FAXC: variants seen among roughly 807,000 people sequenced by gnomAD.
FAXC encodes failed axon connections homolog.
In FAXC, 10 loss-of-function variants were observed where a neutral mutation model predicts 41.9. That is an observed-to-expected ratio of 0.24 (90% CI 0.15 to 0.41). The LOEUF (loss-of-function observed/expected upper bound fraction) is 0.41. Among genes scored for constraint, FAXC ranks in the 10% least tolerant of loss-of-function variants. The probability of loss-of-function intolerance (pLI) is 1.00; values close to 1 mark genes in which losing one functional copy is unlikely to be tolerated. For synonymous variants in FAXC, 183 were observed against 183.8 expected (o/e 1.00, Z 0.03); for missense variants, 399 against 510.9 (o/e 0.78, Z 2.11).
chr6:99,300,063 C>T (rs912712390), intron 4 of FAXC, among the ~76,000 whole-genome samples: 2 of 151,962 alleles, frequency 1.3e-5, no homozygotes, highest in African/African-American at 2.4e-5. Context: ...TATCTCTTTC[C>T]GGCTCATATG....
rs191869581 is a variant in FAXC, at chr6:99,307,400, G to A, written c.824-15580C>T. Among the ~76,000 whole-genome samples the A allele has an allele frequency of 2.1e-4, 32 of 152,270 alleles. 1 individual carries two copies. In the East Asian group the frequency reaches 3.1e-3, roughly 15 times the overall value. On this transcript the variant is annotated intron_variant, in intron 4 of 5. Transcript: ENST00000389677. ...GCCCGAATGGAGAGAACAATGAGCC[G>A]ATGGGGCTGACTCCCAGACGGATGA...
chr6:99,305,494 C>G (rs1414688629), intron 4 of FAXC, among the ~76,000 whole-genome samples: 1 of 152,010 alleles, frequency 6.6e-6, no homozygotes, highest in Non-Finnish European at 1.5e-5. Context: ...CTACAATGTA[C>G]CTCAGTTTCC....
chr6:99,299,757 C>T (rs221578), intron 4 of FAXC, among the ~76,000 whole-genome samples: 121,127 of 152,030 alleles, frequency 0.8, 48,532 homozygotes, highest in East Asian at 1. Flanking sequence ...AAAATCTACT[C>T]CCTATTCTCT....
intron 1 of FAXC, among the ~76,000 whole-genome samples, chr6:99,348,141 T>TC (rs1359657939): frequency 6.6e-6 from 1 of 152,178 alleles, no homozygotes; most frequent in Non-Finnish European, 1.5e-5. Flanking sequence ...GTAGGATTCC[T>TC]CCACTGGAAT....
chr6:99,306,217 G>A (rs1183407411), intron 4 of FAXC, among the ~76,000 whole-genome samples: 2 of 152,188 alleles, frequency 1.3e-5, no homozygotes, highest in Non-Finnish European at 2.9e-5. Flanking sequence ...TGGAGTGTCT[G>A]TGAGGCAGAG....
At chr6:99,312,311 A>G (rs1401763364) in intron 4 of FAXC, among the ~76,000 whole-genome samples, 1 of 152,216 alleles carries the variant, frequency 6.6e-6, no homozygotes, top group Non-Finnish European at 1.5e-5. Context: ...ACTCTGGGAG[A>G]CAGGTCCAGC....
At chr6:99,346,127 T>C (rs1582695271) in intron 1 of FAXC, among the ~76,000 whole-genome samples, 1 of 152,240 alleles carries the variant, frequency 6.6e-6, no homozygotes, top group African/African-American at 2.4e-5. Context: ...CTATCTTACA[T>C]ATTTCAGATT....
intron 4 of FAXC, among the ~76,000 whole-genome samples, chr6:99,303,895 T>C (rs915358911): frequency 1.3e-5 from 2 of 152,252 alleles, no homozygotes; most frequent in Non-Finnish European, 2.9e-5. Context: ...ATAGGAGATA[T>C]GTTAAAGTAG....
At chr6:99,284,862 C>T (rs1482893800) in intron 5 of FAXC, among the ~76,000 whole-genome samples, 2 of 150,706 alleles carry the variant, frequency 1.3e-5, no homozygotes, top group Non-Finnish European at 2.9e-5. Flanking sequence ...TGCAGTGAGC[C>T]GAGATCCTGC....
intron 1 of FAXC, among the ~76,000 whole-genome samples, chr6:99,344,519 T>A (rs1773528896): frequency 6.6e-6 from 1 of 151,946 alleles, no homozygotes; most frequent in African/African-American, 2.4e-5. Flanking sequence ...CAAACTCTCT[T>A]GAAAAGTTTA....
At chr6:99,328,714 C>T (rs11753575) in intron 3 of FAXC, among the ~76,000 whole-genome samples, 54,857 of 152,020 alleles carry the variant, frequency 0.36, 10,667 homozygotes, top group Middle Eastern at 0.46. Context: ...GCAAAGCCTT[C>T]CCCCCTTCTC....
rs1277258653 is a variant in FAXC, at chr6:99,273,615, C to T, written c.*7549G>A. 1 of 151,068 alleles carries T rather than the reference C, an allele frequency of 6.6e-6. No homozygotes were observed. The highest frequency in any genetic ancestry group is 2.4e-5 in the African/African-American group (1 of 41,000). 9.4% of individuals were successfully genotyped at this position (151,068 alleles called of 1,614,324 possible). A position where few individuals can be genotyped will look rare whatever the true frequency, so the allele number is the denominator to read the frequency against. ...AATTGTTCATCCTTCTCTTTCCCAA[C>T]CAAAAATGCCTATTTTAAGTAAAAA... is the stretch of plus-strand genomic sequence containing the variant. On this transcript the variant is annotated 3_prime_UTR_variant, in exon 6 of 6. Transcript: ENST00000389677.
chr6:99,329,110 A>G (rs6922449), intron 3 of FAXC, among the ~76,000 whole-genome samples: 64,932 of 152,036 alleles, frequency 0.43, 14,396 homozygotes, highest in East Asian at 0.59. Flanking sequence ...TCATTAACTG[A>G]AGAGGACAGA....
chr6:99,320,408 G>A (rs1218354597), intron 4 of FAXC, among the ~76,000 whole-genome samples: 1 of 152,066 alleles, frequency 6.6e-6, no homozygotes, highest in Non-Finnish European at 1.5e-5. Flanking sequence ...TTGTTTAACT[G>A]TTTTATGTAG....
intron 3 of FAXC, among the ~76,000 whole-genome samples, chr6:99,331,210 T>C (rs1188266629): frequency 1.3e-5 from 2 of 152,274 alleles, no homozygotes; most frequent in Non-Finnish European, 1.5e-5. Context: ...CAAGAAATAA[T>C]AGCTAACCCC....
chr6:99,279,693 A>C lies in FAXC; in HGVS notation c.*1471T>G, dbSNP rs770553939. The C allele has an allele frequency of 6.7e-6, 1 of 150,286 alleles. No homozygotes were observed. Among genetic ancestry groups the C allele is most frequent in the Non-Finnish European group, 1.5e-5 (1 of 68,052 alleles). The allele number at this position is 150,286 out of a possible 1,614,324, so 9.3% of individuals were successfully genotyped here. ...AAGTCAAAACAACAACAACAACAAC[A>C]ACTTCATCTTTAGAAATAGGGTGCC... On this transcript the variant is annotated 3_prime_UTR_variant, in exon 6 of 6. Coordinates refer to ENST00000389677, the MANE Select transcript of FAXC (RefSeq NM_032511.4).
intron 4 of FAXC, among the ~76,000 whole-genome samples, chr6:99,292,218 T>A (rs535034133): frequency 4.4e-4 from 67 of 152,226 alleles, no homozygotes; most frequent in Non-Finnish European, 9.0e-4. Context: ...AAAGCCAACA[T>A]CAGCACTTAC....
In FAXC at chr6:99,275,966, A is replaced by C. The variant is rs1770593095; in HGVS notation, c.*5198T>G. The C allele has an allele frequency of 6.6e-6, 1 of 152,066 alleles. No homozygotes were observed. The highest frequency in any genetic ancestry group is 2.4e-5 in the African/African-American group (1 of 41,394). The allele number at this position is 152,066 out of a possible 1,614,324, so 9.4% of individuals were successfully genotyped here. ...AATAAAGGTCAAGCACTTCACAATC[A>C]CATGCAATTGATCCCTGGACCTGTT... On this transcript the variant is annotated 3_prime_UTR_variant, in exon 6 of 6. Transcript: ENST00000389677.
chr6:99,334,132 A>T (rs2179571), intron 2 of FAXC, among the ~76,000 whole-genome samples: 133,246 of 152,232 alleles, frequency 0.88, 58,813 homozygotes, highest in East Asian at 1. Context: ...AGCCTGGACT[A>T]CTGGATCAGA....
Sources: gnomAD v4.1 joint callset for allele counts (sites outside exome capture counted in the v4.1 genomes callset) on GRCh38, gnomAD v4.1.1 for gene constraint, MANE v1.5 for transcripts, NCBI Gene and HGNC (gene_info 2026-07-23, HGNC 2026-07-21) for gene names.